The following FRMD4A variants were observed in gnomAD, a reference collection of about 807,000 sequenced individuals.
The protein encoded by FRMD4A is FERM domain containing 4A, also known as FERM domain-containing protein 4A.
A neutral mutation model predicts 129.1 loss-of-function variants in FRMD4A; 29 were observed. The ratio of observed to expected loss-of-function variants is 0.22; its 90% CI spans 0.17 to 0.31. FRMD4A has a LOEUF of 0.31. Among genes scored for constraint, FRMD4A ranks in the 10% least tolerant of loss-of-function variants. The probability of loss-of-function intolerance (pLI) is 1.00; values close to 1 mark genes in which losing one functional copy is unlikely to be tolerated. For synonymous variants in FRMD4A, 634 were observed against 571.6 expected, an observed-to-expected ratio of 1.11 and a Z score of -1.56; for missense variants, 1,272 against 1,375.8, an observed-to-expected ratio of 0.92 and a Z score of 1.19.
chr10:13,721,487 A>G (rs113196628), intron 12 of FRMD4A, among the ~76,000 whole-genome samples: 3 of 152,146 alleles, frequency 2.0e-5, no homozygotes, highest in Non-Finnish European at 4.4e-5. Flanking sequence ...GCCTCAAAAA[A>G]AAAGAACTCG....
chr10:14,146,814 C>A (rs1047299792), intron 2 of FRMD4A, among the ~76,000 whole-genome samples: 1 of 152,178 alleles, frequency 6.6e-6, no homozygotes, highest in Non-Finnish European at 1.5e-5. Flanking sequence ...ACAGCACTCA[C>A]CAGGCACATG....
chr10:13,876,821 A>T (rs2094493659), intron 2 of FRMD4A, among the ~76,000 whole-genome samples: 1 of 151,586 alleles, frequency 6.6e-6, no homozygotes, highest in Non-Finnish European at 1.5e-5. Flanking sequence ...ATAAATATAT[A>T]TTTAAATAGC....
chr10:14,012,409 T>C (rs543530898), intron 2 of FRMD4A, among the ~76,000 whole-genome samples: 1 of 152,192 alleles, frequency 6.6e-6, no homozygotes, highest in East Asian at 1.9e-4. Flanking sequence ...GAGCCAGGTT[T>C]CAGGAAAGTC....
chr10:14,114,737 A>G (rs534894598), intron 2 of FRMD4A, among the ~76,000 whole-genome samples: 7 of 152,328 alleles, frequency 4.6e-5, no homozygotes, highest in African/African-American at 1.7e-4. Flanking sequence ...TTTGAGAGGT[A>G]CCAAACAGGG....
chr10:14,214,858 GAACT>G (rs1185415097), intron 2 of FRMD4A, among the ~76,000 whole-genome samples: 1 of 152,166 alleles, frequency 6.6e-6, no homozygotes, highest in Non-Finnish European at 1.5e-5. Flanking sequence ...TATAAACAAA[GAACT>G]ATCTACATAA....
intron 2 of FRMD4A, among the ~76,000 whole-genome samples, chr10:14,104,489 C>G (rs1331980186): frequency 6.6e-6 from 1 of 152,236 alleles, no homozygotes; most frequent in African/African-American, 2.4e-5. Context: ...TCCAGATGCT[C>G]TACTCCCCAG....
chr10:14,114,578 C>T (rs1250217853), intron 2 of FRMD4A, among the ~76,000 whole-genome samples: 1 of 152,214 alleles, frequency 6.6e-6, no homozygotes, highest in Non-Finnish European at 1.5e-5. Context: ...GGAATGACCA[C>T]TGCAAATTTG....
chr10:13,744,205 A>C (rs1292764731), intron 9 of FRMD4A, among the ~76,000 whole-genome samples: 3 of 152,014 alleles, frequency 2.0e-5, no homozygotes, highest in Non-Finnish European at 4.4e-5. Flanking sequence ...GTCCCTGCAT[A>C]CCTTATTGAG....
intron 13 of FRMD4A, among the ~76,000 whole-genome samples, chr10:13,703,913 G>A (rs960070397): frequency 1.3e-5 from 2 of 152,182 alleles, no homozygotes; most frequent in South Asian, 2.1e-4. Context: ...GCTGAGGCAG[G>A]AGAATTGCTT....
rs564649708 is a variant in FRMD4A at position 14,010,882 on chromosome 10, A to T, written c.46-151970T>A. Reference sequence around the variant, plus strand: ...GATATGCATTCATACTCTCACAGTTATGACCACTTTAGGAGAAGCAAGGGG... The same window carrying T: ...GATATGCATTCATACTCTCACAGTTTTGACCACTTTAGGAGAAGCAAGGGG... On this transcript the variant is annotated intron_variant, in intron 2 of 24. Coordinates refer to ENST00000357447, the MANE Select transcript of FRMD4A (RefSeq NM_018027.5). Among the ~76,000 whole-genome samples, 3 of 152,270 alleles carry T rather than the reference A, an allele frequency of 2.0e-5. No individual in the cohort carries two copies. The South Asian group carries it at 6.2e-4, about 32-fold the overall frequency.
At position 13,645,275 on chromosome 10, in the gene FRMD4A, C is replaced by G. The variant is rs1589162402; in HGVS notation, c.*1763G>C. ...AGCTAACTTCAGTTCTGCTTTCCCA[C>G]AAAACTACCCCCACCCTGGCTCCTG... On this transcript the variant is annotated 3_prime_UTR_variant, in exon 25 of 25. Coordinates refer to ENST00000357447, the MANE Select transcript of FRMD4A (RefSeq NM_018027.5). 6.6e-6 allele frequency: 1 copy of G among 152,280 alleles called. No individual in the cohort carries two copies. Among genetic ancestry groups the G allele is most frequent in the Middle Eastern group, 3.4e-3 (1 of 294 alleles). 9.4% of individuals were successfully genotyped at this position (152,280 alleles called of 1,614,324 possible). A position where few individuals can be genotyped will look rare whatever the true frequency, so the allele number is the denominator to read the frequency against.
At chr10:13,688,071 T>C (rs761800933) in intron 15 of FRMD4A, among the ~76,000 whole-genome samples, 4 of 152,136 alleles carry the variant, frequency 2.6e-5, no homozygotes, top group Non-Finnish European at 5.9e-5. Context: ...CATCTGCCAT[T>C]GAGTCATCTG....
intron 2 of FRMD4A, among the ~76,000 whole-genome samples, chr10:14,203,549 A>G (rs1842699207): frequency 6.6e-6 from 1 of 152,228 alleles, no homozygotes; most frequent in South Asian, 2.1e-4. Flanking sequence ...GCCCTTCTCT[A>G]ATAAACCTAA....
intron 2 of FRMD4A, among the ~76,000 whole-genome samples, chr10:13,946,467 T>C (rs1343143065): frequency 6.6e-6 from 1 of 152,228 alleles, no homozygotes; most frequent in Non-Finnish European, 1.5e-5. Context: ...ATTTACCTAA[T>C]GCAACTTTCC....
chr10:14,301,243 A>G (rs1237097869), intron 2 of FRMD4A, among the ~76,000 whole-genome samples: 5 of 152,198 alleles, frequency 3.3e-5, no homozygotes, highest in African/African-American at 1.2e-4. Flanking sequence ...CTTGGCTGCC[A>G]TTAATCTGTA....
chr10:14,080,358 T>C (rs994219674), intron 2 of FRMD4A, among the ~76,000 whole-genome samples: 1 of 152,140 alleles, frequency 6.6e-6, no homozygotes, highest in African/African-American at 2.4e-5. Context: ...TCTCCCATGT[T>C]GTTTTGCCTC....
chr10:13,915,589 A>G (rs943478356), intron 2 of FRMD4A, among the ~76,000 whole-genome samples: 2 of 151,292 alleles, frequency 1.3e-5, no homozygotes, highest in African/African-American at 4.9e-5. Flanking sequence ...GGAGAATAGC[A>G]TGAACCTGGG....
At chr10:13,999,591 A>G (rs2095634492) in intron 2 of FRMD4A, among the ~76,000 whole-genome samples, 1 of 152,248 alleles carries the variant, frequency 6.6e-6, no homozygotes, top group Non-Finnish European at 1.5e-5. Context: ...TTAATGAGGA[A>G]AGCCAGTCAG....
intron 14 of FRMD4A, among the ~76,000 whole-genome samples, chr10:13,698,070 A>T (rs1251161021): frequency 7.9e-6 from 1 of 126,724 alleles, no homozygotes; most frequent in Admixed American, 7.8e-5. Flanking sequence ...CTTGATGTAT[A>T]TGCATGGAGA....
Sources: gnomAD v4.1 joint callset for allele counts (sites outside exome capture counted in the v4.1 genomes callset) on GRCh38, gnomAD v4.1.1 for gene constraint, MANE v1.5 for transcripts, NCBI Gene and HGNC (gene_info 2026-07-23, HGNC 2026-07-21) for gene names.